Variants in PPFIA1 observed in about 807,000 individuals in gnomAD.
PPFIA1 encodes the protein liprin-alpha-1.
In PPFIA1, 25 loss-of-function variants were observed where a neutral mutation model predicts 149.9. The ratio of observed to expected loss-of-function variants is 0.17; its 90% confidence interval spans 0.12 to 0.23. PPFIA1 has a LOEUF of 0.23. Ranked by LOEUF, PPFIA1 falls within the 10% of genes least tolerant of loss-of-function variation. PPFIA1 has a pLI of 1.00. For missense variants in PPFIA1, 1,362 were observed against 1,506.5 expected (o/e 0.90, Z 1.59); for synonymous variants, 549 against 552.8 (o/e 0.99, Z 0.10).
chr11:70,302,098 C>T (rs948370099), intron 2 of PPFIA1, among the ~76,000 whole-genome samples: 1 of 152,100 alleles, frequency 6.6e-6, no homozygotes, highest in Non-Finnish European at 1.5e-5. Context: ...TCCAGCATAG[C>T]ACAGGAAAGG....
At chr11:70,342,383 G>C (rs1229486808) in intron 14 of PPFIA1, among the ~76,000 whole-genome samples, 3 of 152,198 alleles carry the variant, frequency 2.0e-5, no homozygotes, top group Non-Finnish European at 4.4e-5. Context: ...TTGGGGGCTT[G>C]AAGAGTGAGG....
intron 4 of PPFIA1, 65 bp from the exon 5 acceptor site, chr11:70,325,430 TAACTA>T: frequency 4.0e-6 from 4 of 1,000,300 alleles, no homozygotes; most frequent in Non-Finnish European, 6.1e-6. Context: ...ATATTACACT[TAACTA>T]TATATTAAGA....
intron 2 of PPFIA1, among the ~76,000 whole-genome samples, chr11:70,274,406 A>G (rs879759040): frequency 6.6e-6 from 1 of 152,190 alleles, no homozygotes; most frequent in Non-Finnish European, 1.5e-5. Flanking sequence ...CAGGCTTCCT[A>G]GAAGTCCCCT....
chr11:70,319,330 TC>T, intron 2 of PPFIA1, among the ~76,000 whole-genome samples: 1 of 152,148 alleles, frequency 6.6e-6, no homozygotes. Flanking sequence ...CTTACCCATC[TC>T]CCCACTTCTG....
chr11:70,345,649 C>T (rs1009686721), intron 15 of PPFIA1, among the ~76,000 whole-genome samples: 1 of 151,858 alleles, frequency 6.6e-6, no homozygotes, highest in Admixed American at 6.6e-5. Context: ...ATAGGAAGAC[C>T]TCATCTCTAC....
At chr11:70,300,293 C>T (rs1360595470) in intron 2 of PPFIA1, among the ~76,000 whole-genome samples, 2 of 152,224 alleles carry the variant, frequency 1.3e-5, no homozygotes, top group African/African-American at 4.8e-5. Flanking sequence ...TCCGCCAGTT[C>T]CTACTGGGAT....
chr11:70,276,578 T>G (rs754127837), intron 2 of PPFIA1, among the ~76,000 whole-genome samples: 12 of 152,186 alleles, frequency 7.9e-5, no homozygotes, highest in Admixed American at 2.0e-4. Context: ...TTCTACTCCC[T>G]AGAAGAGTTC....
rs2053480904 is a variant in PPFIA1, at chr11:70,314,561, A to G, written c.265-9841A>G. Among the ~76,000 whole-genome samples, 3 of 152,240 alleles carry G rather than the reference A, an allele frequency of 2.0e-5. 1 individual carries two copies. The South Asian group carries it at 6.2e-4, about 32-fold the overall frequency. On this transcript the variant is annotated intron_variant, in intron 2 of 27. Transcript: ENST00000253925. The stretch of plus-strand genomic sequence containing the variant: ...ACTCTCATTCCCAACTGTAGTGGGT[A>G]ACCAGCATCAGCAGCTTGGTGTGTA...
At chr11:70,324,380 A>G (rs748442547) in intron 2 of PPFIA1, 22 bp from the exon 3 acceptor site, 2 of 1,555,170 alleles carry the variant, frequency 1.3e-6, no homozygotes, top group Non-Finnish European at 1.8e-6. Flanking sequence ...TATTTATTTA[A>G]TTTTGTTTTG....
In PPFIA1 at chr11:70,338,420, A is replaced by T. The variant is rs200380573; in HGVS notation, c.1538A>T (p.His513Leu). Residue 513 changes from histidine to leucine, a missense_variant, in exon 13 of 28, where the codon CAC becomes CTC. His to Leu is a moderately conservative substitution (Grantham distance 99). Coordinates refer to ENST00000253925, the MANE Select transcript of PPFIA1 (RefSeq NM_003626.5). ...NIEALRAELD[H>L]MRLRGASLHH... is the part of the protein sequence containing the mutation. ...GAAGCACTGAGGGCTGAACTAGACC[A>T]CATGAGACTAAGAGGTGCTTCACTT... is the stretch of plus-strand genomic sequence containing the variant. 5.0e-6 allele frequency: 8 copies of T among 1,613,414 alleles called. No homozygotes were observed. The African/African-American group carries it at 6.7e-5, about 13-fold the overall frequency.
At chr11:70,338,043 G>T (rs1383252236) in intron 12 of PPFIA1, among the ~76,000 whole-genome samples, 4 of 152,208 alleles carry the variant, frequency 2.6e-5, no homozygotes, top group Admixed American at 2.0e-4. Context: ...TGCACAGGAC[G>T]TGAATATTGT....
intron 10 of PPFIA1, among the ~76,000 whole-genome samples, 190 bp downstream of exon 10, chr11:70,333,743 G>A (rs1394744272): frequency 1.3e-5 from 2 of 152,148 alleles, no homozygotes; most frequent in Non-Finnish European, 2.9e-5. Context: ...CACAGTAGTT[G>A]TTTTCAGTCA....
At chr11:70,376,191 G>A (rs947415030) in intron 24 of PPFIA1, among the ~76,000 whole-genome samples, 6 of 152,204 alleles carry the variant, frequency 3.9e-5, no homozygotes, top group Non-Finnish European at 5.9e-5. Flanking sequence ...ATTTCACCAT[G>A]TTGGCCAAGC....
At chr11:70,274,395 T>C (rs644396) in intron 2 of PPFIA1, among the ~76,000 whole-genome samples, 89,266 of 152,038 alleles carry the variant, frequency 0.59, 28,795 homozygotes, top group African/African-American at 0.88. Context: ...TGGAACATTA[T>C]CAGGCTTCCT....
At chr11:70,309,577 A>G (rs1705580824) in intron 2 of PPFIA1, among the ~76,000 whole-genome samples, 1 of 152,172 alleles carries the variant, frequency 6.6e-6, no homozygotes, top group Non-Finnish European at 1.5e-5. Flanking sequence ...TAGCAGAATG[A>G]TAAAAGTACA....
chr11:70,289,816 C>G (rs2051403098), intron 2 of PPFIA1, among the ~76,000 whole-genome samples: 1 of 152,206 alleles, frequency 6.6e-6, no homozygotes, highest in South Asian at 2.1e-4. Context: ...GTGGCACACA[C>G]CTGCAGTCCA....
At chr11:70,284,344 G>T (rs2050960492) in intron 2 of PPFIA1, among the ~76,000 whole-genome samples, 1 of 152,198 alleles carries the variant, frequency 6.6e-6, no homozygotes, top group South Asian at 2.1e-4. Flanking sequence ...ATAATATTTG[G>T]CCATTTACAT....
In PPFIA1 at chr11:70,275,057, C is replaced by T. The variant is rs75647527; in HGVS notation, c.264+2621C>T. ...GTGGTTGTGACAGTTTGTACTACCC[C>T]AGCAATGTATGAGAAGTCAGTTGCT... On this transcript the variant is annotated intron_variant, in intron 2 of 27. Transcript: ENST00000253925. Among the ~76,000 whole-genome samples, 247 of 152,326 alleles carry T rather than the reference C, an allele frequency of 1.6e-3. 2 individuals carry two copies. The highest frequency in any genetic ancestry group is 5.7e-3 in the African/African-American group (238 of 41,576).
At chr11:70,352,738 C>T (rs1400940365) in intron 16 of PPFIA1, among the ~76,000 whole-genome samples, 2 of 101,390 alleles carry the variant, frequency 2.0e-5, no homozygotes, top group South Asian at 3.6e-4. Flanking sequence ...CGGAGGGCGG[C>T]GTGTGGAGGG....
Sources: gnomAD v4.1 joint callset for allele counts (sites outside exome capture counted in the v4.1 genomes callset) on GRCh38, gnomAD v4.1.1 for gene constraint, MANE v1.5 for transcripts, NCBI Gene and HGNC (gene_info 2026-07-23, HGNC 2026-07-21) for gene names.